The following PARD6B variants were observed in gnomAD, a reference collection of about 807,000 sequenced individuals.
PARD6B encodes the protein par-6 family cell polarity regulator beta, also known as partitioning defective 6 homolog beta.
PARD6B carries 4 observed loss-of-function variants against 10.5 expected under a neutral mutation model. The ratio of observed to expected loss-of-function variants is 0.38; its 90% confidence interval spans 0.19 to 0.87. The LOEUF (loss-of-function observed/expected upper bound fraction) is 0.87, where lower values mean the gene tolerates loss of function less well. Ranked by LOEUF, PARD6B falls within the 40% of genes least tolerant of loss-of-function variation. The pLI, the probability that PARD6B is intolerant of heterozygous loss-of-function variation, is 0.41. For missense variants in PARD6B, 396 were observed against 470.6 expected, an observed-to-expected ratio of 0.84 and a Z score of 1.47; for synonymous variants, 169 against 170.4, an observed-to-expected ratio of 0.99 and a Z score of 0.07.
chr20:50,752,313 CTT>C lies in PARD6B; in HGVS notation c.*1826_*1827del, dbSNP rs1386705873. On this transcript the variant is annotated 3_prime_UTR_variant, in exon 3 of 3. Transcript: ENST00000371610. ...AAGATGTTTTAACACATAGGACAAA[CTT>C]GTGCACTTTTTATGCCAAAAAAAAA... The C allele has an allele frequency of 2.1e-6, 2 of 974,798 alleles. No homozygotes were observed. The highest frequency in any genetic ancestry group is 2.4e-6 in the Non-Finnish European group (2 of 827,620). 60.4% of individuals were successfully genotyped at this position (974,798 alleles called of 1,614,324 possible). A position where few individuals can be genotyped will look rare whatever the true frequency, so the allele number is the denominator to read the frequency against.
At chr20:50,742,264 A>G (rs1193091260) in intron 2 of PARD6B, among the ~76,000 whole-genome samples, 2 of 151,708 alleles carry the variant, frequency 1.3e-5, no homozygotes, top group African/African-American at 2.4e-5. Context: ...GACTGTTCTC[A>G]AACTCCTGAC....
At chr20:50,733,579 A>G (rs578196671) in intron 1 of PARD6B, among the ~76,000 whole-genome samples, 1 of 139,606 alleles carries the variant, frequency 7.2e-6, no homozygotes, top group South Asian at 2.7e-4. Context: ...AATTGAAGTG[A>G]CTTGCTTGAG....
chr20:50,750,334 A>G lies in PARD6B; in HGVS notation c.965A>G (p.Gln322Arg). ...ACTGAGAGCCTGGAGTCATTAACAC[A>G]GATAGAGCTAAGCTTTGAGTCTGGA... is the stretch of plus-strand genomic sequence containing the variant. ...PNTESLESLT[Q>R]IELSFESGQN... Residue 322 changes from glutamine (Q) to arginine (R), a missense_variant, in exon 3 of 3, where the codon CAG becomes CGG. Physicochemically the swap from Gln to Arg is conservative, Grantham distance 43. This residue lies in a region of PARD6B where 188 missense variants were observed against 169.7 expected (regional missense o/e 1.11). Transcript: ENST00000371610. 1 of 1,614,228 alleles carries G rather than the reference A, an allele frequency of 6.2e-7. No homozygotes were observed. Among genetic ancestry groups the G allele is most frequent in the Non-Finnish European group, 8.5e-7 (1 of 1,180,028 alleles).
Position 50,737,771 on chromosome 20 carries a change from G to A in PARD6B, c.67-86G>A, listed in dbSNP as rs181530804. On this transcript the variant is annotated intron_variant, in intron 1 of 2. Transcript: ENST00000371610. ...TTAATTAAAAATACTTGCTCTGCTC[G>A]TTAATTTTTCTATGGCATGCATTTT... The A allele has an allele frequency of 9.0e-5, 78 of 866,062 alleles. No homozygotes were observed. In the Admixed American group the frequency reaches 1.0e-3, roughly 11 times the overall value. 53.6% of individuals were successfully genotyped at this position (866,062 alleles called of 1,614,324 possible). A position where few individuals can be genotyped will look rare whatever the true frequency, so the allele number is the denominator to read the frequency against.
intron 2 of PARD6B, among the ~76,000 whole-genome samples, chr20:50,747,489 C>CTTTTTTTTTTTT (rs58629233): frequency 4.2e-4 from 14 of 33,344 alleles, no homozygotes; most frequent in Admixed American, 1.5e-3. Flanking sequence ...TTCTTTCTTT[C>CTTTTTTTTTTTT]TTTTTTTTTT....
At chr20:50,740,117 A>G (rs1031780625) in intron 2 of PARD6B, among the ~76,000 whole-genome samples, 4 of 152,224 alleles carry the variant, frequency 2.6e-5, no homozygotes, top group African/African-American at 9.6e-5. Context: ...TGGTAGACAA[A>G]AGTTCAGGGT....
chr20:50,745,399 G>A lies in PARD6B; in HGVS notation c.290-4260G>A, dbSNP rs370999048. ...AGATCGTGTCATTGCACTCTAGAGC[G>A]AAACTCCGTCTCAAAAAAAAAAAAA... On this transcript the variant is annotated intron_variant, in intron 2 of 2. Transcript: ENST00000371610. Among the ~76,000 whole-genome samples, 15 of 139,780 alleles carry A rather than the reference G, an allele frequency of 1.1e-4. No homozygotes were observed. In the South Asian group the frequency reaches 1.8e-3, roughly 17 times the overall value. The allele number at this position is 139,780 out of a possible 152,430, so 91.7% of individuals were successfully genotyped here. A position where few individuals can be genotyped will look rare whatever the true frequency, so the allele number is the denominator to read the frequency against.
chr20:50,746,506 T>A (rs367956779), intron 2 of PARD6B, among the ~76,000 whole-genome samples: 1 of 152,386 alleles, frequency 6.6e-6, no homozygotes, highest in African/African-American at 2.4e-5. Flanking sequence ...ATTCTGAGTT[T>A]AATGCTCTGA....
chr20:50,736,735 C>G (rs2087501655), intron 1 of PARD6B, among the ~76,000 whole-genome samples: 1 of 146,610 alleles, frequency 6.8e-6, no homozygotes, highest in South Asian at 2.2e-4. Context: ...GAGTCTTGCT[C>G]TGTTGCCCAG....
intron 2 of PARD6B, among the ~76,000 whole-genome samples, chr20:50,739,217 C>T (rs1450288031): frequency 6.6e-6 from 1 of 151,856 alleles, no homozygotes; most frequent in Non-Finnish European, 1.5e-5. Context: ...GAGGTGGAGG[C>T]GGGCGGATCA....
Position 50,750,472 on chromosome 20 carries a change from C to T in PARD6B, c.1103C>T (p.Thr368Ile). The T allele has an allele frequency of 6.2e-7, 1 of 1,612,082 alleles. No individual in the cohort carries two copies. The highest frequency in any genetic ancestry group is 8.5e-7 in the Non-Finnish European group (1 of 1,178,824). ...CAAAAACTCTTAGAAGAAGATGGAA[C>T]AATCATAACATTATGAAACCGTGGT... The part of the protein sequence containing the change: ...PDQKLLEEDG[T>I]IITL The change falls in exon 3 of 3, where the codon ACA becomes ATA. Residue 368 changes from threonine to isoleucine, a missense_variant. Around this residue, in one of 2 missense-constraint regions of PARD6B, gnomAD observed 188 missense variants for 169.7 expected, o/e 1.11. Transcript: ENST00000371610.
At chr20:50,735,144 T>C (rs980767281) in intron 1 of PARD6B, among the ~76,000 whole-genome samples, 7 of 152,194 alleles carry the variant, frequency 4.6e-5, no homozygotes, top group Admixed American at 3.3e-4. Flanking sequence ...AGAGGGAGAC[T>C]CTGTCTCAAA....
rs2087600838 is a variant in PARD6B at position 50,750,791 on chromosome 20, C to G, written c.*303C>G. On this transcript the variant is annotated 3_prime_UTR_variant, in exon 3 of 3. Transcript: ENST00000371610. ...TTGGAACTATGTGAGAAGACTAGATCATTTCTGTTGGAAGTGGTTGCATAT... is the reference window on the plus strand; with the variant it reads ...TTGGAACTATGTGAGAAGACTAGATGATTTCTGTTGGAAGTGGTTGCATAT... 9.0e-7 allele frequency: 1 copy of G among 1,115,584 alleles called. No individual in the cohort carries two copies. Among genetic ancestry groups the G allele is most frequent in the Middle Eastern group, 4.1e-4 (1 of 2,410 alleles). 69.1% of individuals were successfully genotyped at this position (1,115,584 alleles called of 1,614,324 possible).
chr20:50,731,942 G>C, intron 1 of PARD6B, 90 bp downstream of exon 1: 1 of 1,144,530 alleles, frequency 8.7e-7, no homozygotes, highest in Non-Finnish European at 1.1e-6. Context: ...CGGGGGAGGC[G>C]ACGGGCTGAG....
chr20:50,743,693 C>T (rs556351264), intron 2 of PARD6B, among the ~76,000 whole-genome samples: 2 of 152,144 alleles, frequency 1.3e-5, no homozygotes, highest in South Asian at 2.1e-4. Context: ...TCGAGACCAT[C>T]CTGGCTAGCA....
At chr20:50,743,045 T>C (rs938299789) in intron 2 of PARD6B, among the ~76,000 whole-genome samples, 7 of 152,216 alleles carry the variant, frequency 4.6e-5, no homozygotes, top group Admixed American at 1.3e-4. Flanking sequence ...AGAATAGACT[T>C]TCTGCTCTCA....
In PARD6B at chr20:50,750,793, T is replaced by C. The variant is rs2087600866; in HGVS notation, c.*305T>C. ...GGAACTATGTGAGAAGACTAGATCATTTCTGTTGGAAGTGGTTGCATATTT... is the reference window on the plus strand; with the variant it reads ...GGAACTATGTGAGAAGACTAGATCACTTCTGTTGGAAGTGGTTGCATATTT... On this transcript the variant is annotated 3_prime_UTR_variant, in exon 3 of 3. Transcript: ENST00000371610. 1 of 1,109,278 alleles carries C rather than the reference T, an allele frequency of 9.0e-7. No homozygotes were observed. Among genetic ancestry groups the C allele is most frequent in the Non-Finnish European group, 1.1e-6 (1 of 906,586 alleles). 68.7% of individuals were successfully genotyped at this position (1,109,278 alleles called of 1,614,324 possible).
rs1368950121 is a variant in PARD6B, at chr20:50,737,892, A to G, written c.102A>G (p.Arg34=). The G allele has an allele frequency of 6.2e-7, 1 of 1,606,914 alleles. No individual in the cohort carries two copies. The highest frequency in any genetic ancestry group is 1.3e-5 in the African/African-American group (1 of 74,276). Residue 34 remains arginine (R), a synonymous_variant, in exon 2 of 3, where the codon AGA becomes AGG. Coordinates refer to ENST00000371610, the MANE Select transcript of PARD6B (RefSeq NM_032521.3). The stretch of plus-strand genomic sequence containing the variant: ...AATTTCGTCGGTTTTCGCTGGAAAG[A>G]TCAAAACCTGGAAAATTTGAGGAGT... ...GAEFRRFSLE[R]SKPGKFEEFY...
chr20:50,750,767 TG>T lies in PARD6B; in HGVS notation c.*281del, dbSNP rs1206873421. The T allele has an allele frequency of 8.5e-7, 1 of 1,180,284 alleles. No homozygotes were observed. The highest frequency in any genetic ancestry group is 1.6e-5 in the African/African-American group (1 of 63,684). The allele number at this position is 1,180,284 out of a possible 1,614,324, so 73.1% of individuals were successfully genotyped here. ...AGAATCAGATGTTAAAGCACATTCT[TG>T]GAACTATGTGAGAAGACTAGATCAT... is the stretch of plus-strand genomic sequence containing the variant. On this transcript the variant is annotated 3_prime_UTR_variant, in exon 3 of 3. Transcript: ENST00000371610.
Sources: allele counts gnomAD v4.1 joint callset (sites outside exome capture counted in the v4.1 genomes callset), GRCh38; gene constraint gnomAD v4.1.1; regional missense constraint gnomAD v4.1.1; transcripts MANE v1.5; gene names NCBI Gene and HGNC (gene_info 2026-07-23, HGNC 2026-07-21).